ITGA3: variants seen among roughly 807,000 people sequenced by gnomAD.
ITGA3 encodes integrin alpha-3.
A neutral mutation model predicts 131.1 loss-of-function variants in ITGA3; 70 were observed. The observed-to-expected ratio is 0.53, with a 90% CI of 0.44 to 0.65. The LOEUF is 0.65. Among genes scored for constraint, ITGA3 ranks in the 30% least tolerant of loss-of-function variants. The probability of loss-of-function intolerance (pLI) is 0.00; values close to 1 mark genes in which losing one functional copy is unlikely to be tolerated. For missense variants in ITGA3, 1,098 were observed against 1,388.6 expected, an observed-to-expected ratio of 0.79 and a Z score of 3.33; for synonymous variants, 537 against 571.6, an observed-to-expected ratio of 0.94 and a Z score of 0.86.
In ITGA3 at chr17:50,076,633, T is replaced by G. The variant is rs745754056; in HGVS notation, c.1874T>G (p.Leu625Trp). The G allele has an allele frequency of 1.2e-6, 2 of 1,613,406 alleles. No homozygotes were observed. Among genetic ancestry groups the G allele is most frequent in the Non-Finnish European group, 1.7e-6 (2 of 1,179,910 alleles). Reference sequence around the variant, plus strand: ...CCTGACAACAAGTGTGAGAGCAACTTGCAGATGCGGGCAGCCTTCGTGTCA... The same window carrying G: ...CCTGACAACAAGTGTGAGAGCAACTGGCAGATGCGGGCAGCCTTCGTGTCA... ...CGPDNKCESN[L>W]QMRAAFVSEQ... is the part of the protein sequence containing the mutation. Residue 625 changes from leucine to tryptophan, a missense_variant, in exon 14 of 26, where the codon TTG (leucine) becomes TGG (tryptophan). Leu to Trp is a moderately conservative substitution (Grantham distance 61, BLOSUM62 -2). Transcript: ENST00000320031.
At chr17:50,077,255 T>C in intron 15 of ITGA3, 124 bp from the exon 16 acceptor site, 2 of 1,293,914 alleles carry the variant, frequency 1.5e-6, no homozygotes, top group Non-Finnish European at 2.2e-6. Flanking sequence ...TTGGGGGCCT[T>C]AGCGTCTCTG....
Position 50,087,836 on chromosome 17 carries a change from G to A in ITGA3, c.3012G>A (p.Leu1004=), listed in dbSNP as rs1431999989. ...LVLVAVGAGL[L]LLGLIILLLW... ...TGGTGGCCGTGGGTGCAGGGCTGCT[G>A]CTGCTGGGGCTGATCATCCTCCTGC... The change falls in exon 24 of 26, where the codon CTG becomes CTA. Residue 1004 remains leucine, a synonymous_variant. Coordinates refer to ENST00000320031, the MANE Select transcript of ITGA3 (RefSeq NM_002204.4). 1.3e-5 allele frequency: 21 copies of A among 1,606,016 alleles called. No homozygotes were observed. Among genetic ancestry groups the A allele is most frequent in the Non-Finnish European group, 1.8e-5 (21 of 1,176,210 alleles).
chr17:50,076,531 G>T, intron 13 of ITGA3, 53 bp from the exon 14 acceptor site: 1 of 1,603,598 alleles, frequency 6.2e-7, no homozygotes, highest in Non-Finnish European at 8.5e-7. Flanking sequence ...GCGGTGGGGC[G>T]AGAGGGCACT....
rs1908590937 is a variant in ITGA3, at chr17:50,070,838, G to T, written c.665-6G>T. 2 of 1,602,538 alleles carry T rather than the reference G, an allele frequency of 1.2e-6. No homozygotes were observed. The highest frequency in any genetic ancestry group is 3.3e-5 in the Admixed American group (2 of 59,948). On this transcript the variant is annotated splice_polypyrimidine_tract_variant and splice_region_variant and intron_variant, in intron 4 of 25. Coordinates refer to ENST00000320031, the MANE Select transcript of ITGA3 (RefSeq NM_002204.4). ...CCCTACTCTCCCTCCCTCAATCCCT[G>T]TGAAGGAAACAGCTACATGATTCAG... is the stretch of plus-strand genomic sequence containing the variant.
chr17:50,081,581 G>A (rs1285161558), intron 23 of ITGA3, among the ~76,000 whole-genome samples, 173 bp downstream of exon 23: 8 of 152,136 alleles, frequency 5.3e-5, no homozygotes, highest in African/African-American at 1.2e-4. Flanking sequence ...AATTAACCCC[G>A]GGTCCCTGGG....
rs1909005634 is a variant in ITGA3, at chr17:50,078,099, C to A, written c.2193C>A (p.Asp731Glu). 5 of 1,613,776 alleles carry A rather than the reference C, an allele frequency of 3.1e-6. No individual in the cohort carries two copies. The South Asian group carries it at 3.3e-5, about 11-fold the overall frequency. Residue 731 changes from aspartate (D) to glutamate (E), a missense_variant, in exon 17 of 26, where the codon GAC (aspartate) becomes GAA (glutamate). By Grantham distance (45) the Asp-to-Glu change is conservative (BLOSUM62 2). This residue lies in a region of ITGA3 where 699 missense variants were observed against 829.2 expected (regional missense o/e 0.84). Coordinates refer to ENST00000320031, the MANE Select transcript of ITGA3 (RefSeq NM_002204.4). ...TCGGGGTGACCCTGCACACAAGGGACCTTCAGGTGCAGCTGCAGCTCTCCA... is the reference window on the plus strand; with the variant it reads ...TCGGGGTGACCCTGCACACAAGGGAACTTCAGGTGCAGCTGCAGCTCTCCA... ...EVIGVTLHTR[D>E]LQVQLQLSTS...
rs1263215616 is a variant in ITGA3 at position 50,078,260 on chromosome 17, A to G, written c.2273A>G (p.Tyr758Cys). 6.2e-7 allele frequency: 1 copy of G among 1,613,834 alleles called. No homozygotes were observed. The highest frequency in any genetic ancestry group is 8.5e-7 in the Non-Finnish European group (1 of 1,179,872). Residue 758 changes from tyrosine to cysteine, a missense_variant, in exon 18 of 26, where the codon TAT becomes TGT. Around this residue, in one of 3 missense-constraint regions of ITGA3, gnomAD observed 699 missense variants for 829.2 expected, o/e 0.84. Transcript: ENST00000320031. ...ATGATCCTCACTCTGCTGGTGGACT[A>G]TACACTCCAGACCTCGCTTAGCATG... The part of the protein sequence containing the change: ...WPMILTLLVD[Y>C]TLQTSLSMVN...
At position 50,074,543 on chromosome 17, in the gene ITGA3, G is replaced by C; in HGVS notation, c.1469+9G>C. ...TGCACGGCCACCTCTTGGTGAGATTGTTCTGCCCACCTACTCCTCATTTAT... is the reference window on the plus strand; with the variant it reads ...TGCACGGCCACCTCTTGGTGAGATTCTTCTGCCCACCTACTCCTCATTTAT... On this transcript the variant is annotated intron_variant, in intron 10 of 25. Coordinates refer to ENST00000320031, the MANE Select transcript of ITGA3 (RefSeq NM_002204.4). The C allele has an allele frequency of 6.2e-7, 1 of 1,600,702 alleles. No individual in the cohort carries two copies. Among genetic ancestry groups the C allele is most frequent in the Admixed American group, 1.7e-5 (1 of 59,938 alleles).
intron 23 of ITGA3, among the ~76,000 whole-genome samples, chr17:50,083,145 A>AT (rs745559156): frequency 6.6e-5 from 10 of 152,192 alleles, no homozygotes; most frequent in Admixed American, 1.3e-4. Context: ...TACAGATGGC[A>AT]TTTTTAATCT....
At chr17:50,069,511 T>A (rs1249418178) in intron 4 of ITGA3, among the ~76,000 whole-genome samples, 1 of 151,842 alleles carries the variant, frequency 6.6e-6, no homozygotes, top group Non-Finnish European at 1.5e-5. Flanking sequence ...ACAAAAAATT[T>A]AAAAATTAGC....
rs922827589 is a variant in ITGA3 at position 50,056,491 on chromosome 17, G to A, written c.52G>A (p.Ala18Thr). 1 of 1,549,680 alleles carries A rather than the reference G, an allele frequency of 6.5e-7. No individual in the cohort carries two copies. Among genetic ancestry groups the A allele is most frequent in the African/African-American group, 1.4e-5 (1 of 73,168 alleles). ...APRAPRLMLC[A>T]LALMVAAGGC... ...CCGCGCCCCACGCCTGATGCTCTGT[G>A]CGCTCGCCTTGATGGTGGCGGCCGG... Residue 18 changes from alanine to threonine, a missense_variant, in exon 1 of 26, where the codon GCG (alanine) becomes ACG (threonine). Around this residue, in one of 3 missense-constraint regions of ITGA3, gnomAD observed 43 missense variants for 30.3 expected, o/e 1.42. Coordinates refer to ENST00000320031, the MANE Select transcript of ITGA3 (RefSeq NM_002204.4). The surrounding 1 kb of genome is among the most constrained non-coding windows in gnomAD (Gnocchi z 5.6).
chr17:50,081,007 A>G (rs1909163024), intron 22 of ITGA3: 1 of 360,788 alleles, frequency 2.8e-6, no homozygotes, highest in Non-Finnish European at 5.1e-6. Flanking sequence ...GTGCGCCAAA[A>G]ATACTTCATT....
rs377276495 is a variant in ITGA3, at chr17:50,075,632, G to A, written c.1571G>A (p.Arg524His). Residue 524 changes from arginine (R) to histidine (H), a missense_variant, in exon 12 of 26, where the codon CGC (arginine) becomes CAC (histidine). This residue lies in a region of ITGA3 where 699 missense variants were observed against 829.2 expected (regional missense o/e 0.84). Coordinates refer to ENST00000320031, the MANE Select transcript of ITGA3 (RefSeq NM_002204.4). ...TACACTCTGGAGGCTGACAGGGACCGCCGGCCGCCCCGGCTCCGCTTTGCC... is the reference window on the plus strand; with the variant it reads ...TACACTCTGGAGGCTGACAGGGACCACCGGCCGCCCCGGCTCCGCTTTGCC... Reference protein sequence around the residue: ...LAYTLEADRDRRPPRLRFAGS... With the variant: ...LAYTLEADRDHRPPRLRFAGS... The A allele has an allele frequency of 5.0e-6, 8 of 1,614,208 alleles. No individual in the cohort carries two copies. Among genetic ancestry groups the A allele is most frequent in the South Asian group, 2.2e-5 (2 of 91,082 alleles).
In ITGA3 at chr17:50,078,606, C is replaced by T. The variant is rs1460995127; in HGVS notation, c.2298-218C>T. ...TTCTCACAGCAGCCCTGTGATACAA[C>T]AGCTATGATTAAGTCCATTTTACAG... On this transcript the variant is annotated intron_variant, in intron 18 of 25. Coordinates refer to ENST00000320031, the MANE Select transcript of ITGA3 (RefSeq NM_002204.4). Among the ~76,000 whole-genome samples, 3 of 152,320 alleles carry T rather than the reference C, an allele frequency of 2.0e-5. No homozygotes were observed. The South Asian group carries it at 6.2e-4, about 32-fold the overall frequency.
chr17:50,062,918 C>T (rs1027382934), intron 1 of ITGA3, among the ~76,000 whole-genome samples: 3 of 152,198 alleles, frequency 2.0e-5, no homozygotes, highest in African/African-American at 4.8e-5. Flanking sequence ...CCTGGCAGAA[C>T]ATTTAGAGGC....
At chr17:50,079,815 C>T (rs145473807) in intron 21 of ITGA3, among the ~76,000 whole-genome samples, 10 of 152,280 alleles carry the variant, frequency 6.6e-5, no homozygotes, top group Admixed American at 2.0e-4. Context: ...CTGTTGGGGG[C>T]GATAGAGCTG....
chr17:50,061,986 G>C (rs1372616980), intron 1 of ITGA3, among the ~76,000 whole-genome samples: 1 of 148,574 alleles, frequency 6.7e-6, no homozygotes, highest in Non-Finnish European at 1.5e-5. Context: ...GTGGCAGTGA[G>C]CCGAGGTTGT....
At chr17:50,082,202 T>A (rs545385754) in intron 23 of ITGA3, among the ~76,000 whole-genome samples, 183 of 151,542 alleles carry the variant, frequency 1.2e-3, no homozygotes, top group Non-Finnish European at 2.1e-3. Flanking sequence ...TTATTTATTT[T>A]TTGAGATGGA....
In ITGA3 at chr17:50,064,199, T is replaced by C; in HGVS notation, c.329T>C (p.Val110Ala). 2 of 1,605,420 alleles carry C rather than the reference T, an allele frequency of 1.2e-6. No homozygotes were observed. Among genetic ancestry groups the C allele is most frequent in the Non-Finnish European group, 1.7e-6 (2 of 1,176,818 alleles). The change falls in exon 2 of 26, where the codon GTG (valine) becomes GCG (alanine). Residue 110 changes from valine to alanine, a missense_variant. By Grantham distance (64) the Val-to-Ala change is moderately conservative. Transcript: ENST00000320031. This position sits in a 1 kb window ranked among gnomAD's most constrained non-coding sequence, Gnocchi z 4.4. Reference sequence around the variant, plus strand: ...GACTGTGAGCGGATGAACATCACAGTGAAAAGTGAGGGGAAGGGGCTGGGG... The same window carrying C: ...GACTGTGAGCGGATGAACATCACAGCGAAAAGTGAGGGGAAGGGGCTGGGG... ...KDDCERMNIT[V>A]KNDPGHHIIE...
Sources: gnomAD v4.1 joint callset for allele counts (sites outside exome capture counted in the v4.1 genomes callset) on GRCh38, gnomAD v4.1.1 for gene constraint, gnomAD v4.1.1 regional missense constraint, Gnocchi (gnomAD v3.1) non-coding constraint, MANE v1.5 for transcripts, NCBI Gene and HGNC (gene_info 2026-07-23, HGNC 2026-07-21) for gene names.